Variants in DLGAP5 observed in about 807,000 individuals in gnomAD.
DLGAP5 encodes DLG associated protein 5.
A neutral mutation model predicts 99.6 loss-of-function variants in DLGAP5; 90 were observed. That is an observed-to-expected ratio of 0.90 (90% CI 0.76 to 1.08). DLGAP5 has a LOEUF of 1.08. Among genes scored for constraint, DLGAP5 ranks in the 50% least tolerant of loss-of-function variants. The pLI is 0.00. For synonymous variants in DLGAP5, 311 were observed against 321.3 expected (o/e 0.97, Z 0.34); for missense variants, 1,036 against 983.5 (o/e 1.05, Z -0.71).
chr14:55,167,629 A>C (rs1189391785), intron 12 of DLGAP5, among the ~76,000 whole-genome samples: 5 of 152,194 alleles, frequency 3.3e-5, no homozygotes, highest in African/African-American at 1.2e-4. Flanking sequence ...ATCTTTGTGA[A>C]GGACATTCTC....
At chr14:55,169,683 A>C (rs977915679) in intron 11 of DLGAP5, 124 bp from the exon 12 acceptor site, 1 of 714,148 alleles carries the variant, frequency 1.4e-6, no homozygotes, top group Non-Finnish European at 2.2e-6. Context: ...CAAAACAAAA[A>C]ATATCTACCA....
intron 15 of DLGAP5, among the ~76,000 whole-genome samples, chr14:55,154,185 C>G (rs146390077): frequency 2.6e-5 from 4 of 152,156 alleles, no homozygotes; most frequent in Non-Finnish European, 5.9e-5. Flanking sequence ...TTCTACAAAG[C>G]CTGGTAAAAA....
At position 55,177,108 on chromosome 14, in the gene DLGAP5, C is replaced by T; in HGVS notation, c.1003G>A (p.Ala335Thr). The change falls in exon 8 of 19, where the codon GCT becomes ACT. Residue 335 changes from alanine to threonine, a missense_variant. Coordinates refer to ENST00000247191, the MANE Select transcript of DLGAP5 (RefSeq NM_014750.5). ...CAGGTGTAACTGGGTGTCAAAAAAG[C>T]ATTGGCACTTCTGGGAGTCATAGGT... ...VTPMTPRSAN[A>T]FLTPSYTWTP... 6.5e-7 allele frequency: 1 copy of T among 1,530,758 alleles called. No homozygotes were observed. Among genetic ancestry groups the T allele is most frequent in the Non-Finnish European group, 8.7e-7 (1 of 1,144,602 alleles). 94.8% of individuals were successfully genotyped at this position (1,530,758 alleles called of 1,614,324 possible).
chr14:55,157,298 G>A (rs1027956647), intron 14 of DLGAP5, among the ~76,000 whole-genome samples: 2 of 152,150 alleles, frequency 1.3e-5, no homozygotes, highest in Admixed American at 6.5e-5. Flanking sequence ...TAAAAACCAC[G>A]AAGATCCTTG....
At chr14:55,179,524 GTAGGT>G in intron 7 of DLGAP5, 100 bp downstream of exon 7, 2 of 891,692 alleles carry the variant, frequency 2.2e-6, no homozygotes, top group Non-Finnish European at 3.4e-6. Context: ...TAACACACAT[GTAGGT>G]TAACCTTTTG....
At chr14:55,179,485 T>C in intron 7 of DLGAP5, 144 bp downstream of exon 7, 1 of 558,856 alleles carries the variant, frequency 1.8e-6, no homozygotes, top group Non-Finnish European at 3.0e-6. Context: ...GTAAATCCTC[T>C]TGATGCTTTC....
At chr14:55,183,529 C>G in intron 3 of DLGAP5, 31 bp downstream of exon 3, 4 of 1,475,796 alleles carry the variant, frequency 2.7e-6, no homozygotes, top group Non-Finnish European at 3.6e-6. Flanking sequence ...ATAAAAGAAA[C>G]TATTCCTTTA....
intron 5 of DLGAP5, 81 bp from the exon 6 acceptor site, chr14:55,180,859 A>C (rs144508789): frequency 2.4e-6 from 3 of 1,232,644 alleles, no homozygotes; most frequent in Middle Eastern, 2.0e-4. Context: ...TGGTAGTGCA[A>C]TGCCTGTAGT....
Position 55,175,481 on chromosome 14 carries a change from TAAAGAA to T in DLGAP5, c.1175-15_1175-10del. ...TTTATTTAAAACATGTTCTATAAATTAAAGAAAATCTTACATATAAATTTCAAAGCA... is the reference window on the plus strand; with the variant it reads ...TTTATTTAAAACATGTTCTATAAATTAATCTTACATATAAATTTCAAAGCA... On this transcript the variant is annotated splice_polypyrimidine_tract_variant and intron_variant, in intron 9 of 18. Coordinates refer to ENST00000247191, the MANE Select transcript of DLGAP5 (RefSeq NM_014750.5). 8.2e-7 allele frequency: 1 copy of T among 1,215,922 alleles called. No homozygotes were observed. The allele number at this position is 1,215,922 out of a possible 1,614,324, so 75.3% of individuals were successfully genotyped here.
At chr14:55,162,932 T>TAA (rs752014944) in intron 13 of DLGAP5, 39 bp downstream of exon 13, 2,158 of 950,162 alleles carry the variant, frequency 2.3e-3, no homozygotes, top group South Asian at 2.9e-3. Flanking sequence ...GTTCCTTAAC[T>TAA]AAAAAAAAAA....
intron 12 of DLGAP5, among the ~76,000 whole-genome samples, chr14:55,165,702 CTATGA>C (rs1882617427): frequency 6.6e-6 from 1 of 152,044 alleles, no homozygotes; most frequent in Non-Finnish European, 1.5e-5. Flanking sequence ...TCATACATAC[CTATGA>C]TAAAGTTTCA....
At chr14:55,184,496 G>C (rs1883370436) in intron 2 of DLGAP5, among the ~76,000 whole-genome samples, 1 of 152,148 alleles carries the variant, frequency 6.6e-6, no homozygotes, top group African/African-American at 2.4e-5. Context: ...GCCCTCTACT[G>C]ATCCTCACTT....
intron 7 of DLGAP5, among the ~76,000 whole-genome samples, chr14:55,178,562 T>C (rs1006623231): frequency 6.6e-6 from 1 of 152,236 alleles, no homozygotes; most frequent in African/African-American, 2.4e-5. Context: ...GTGGTAACAC[T>C]GTTGAAGCCA....
intron 13 of DLGAP5, among the ~76,000 whole-genome samples, chr14:55,160,424 T>C (rs1882377935): frequency 6.6e-6 from 1 of 151,162 alleles, no homozygotes; most frequent in African/African-American, 2.4e-5. Context: ...CCATATTTAA[T>C]ACTGCAGAAA....
chr14:55,177,426 G>A (rs1474615657), intron 7 of DLGAP5, 90 bp from the exon 8 acceptor site: 1 of 1,186,800 alleles, frequency 8.4e-7, no homozygotes, highest in Non-Finnish European at 1.2e-6. Context: ...TATGACAACA[G>A]AAATATATGT....
chr14:55,154,760 A>C lies in DLGAP5; in HGVS notation c.1920T>G (p.Pro640=), dbSNP rs750168705. ...GAGATACAGCTTTGTTGACAGACTT[A>C]GGTGTTCCAAGTCTTTGAGAAGGGC... ...SEGPSQRLGT[P]KSVNKAVSQS... Residue 640 remains proline (P), a synonymous_variant, in exon 15 of 19, where the codon CCT becomes CCG. Transcript: ENST00000247191. 6.2e-7 allele frequency: 1 copy of C among 1,614,140 alleles called. No individual in the cohort carries two copies. Among genetic ancestry groups the C allele is most frequent in the Non-Finnish European group, 8.5e-7 (1 of 1,180,006 alleles).
intron 14 of DLGAP5, 28 bp from the exon 15 acceptor site, chr14:55,154,834 A>G (rs1331164730): frequency 6.3e-7 from 1 of 1,587,050 alleles, no homozygotes; most frequent in Non-Finnish European, 8.6e-7. Flanking sequence ...TCACCTCAAT[A>G]CCAAATAGTT....
At chr14:55,164,541 C>T (rs1251229826) in intron 12 of DLGAP5, among the ~76,000 whole-genome samples, 2 of 151,940 alleles carry the variant, frequency 1.3e-5, no homozygotes, top group African/African-American at 2.4e-5. Context: ...AACCGTAAGA[C>T]TGTTAGGAGA....
intron 15 of DLGAP5, among the ~76,000 whole-genome samples, chr14:55,154,319 T>C (rs1410096709): frequency 6.6e-6 from 1 of 152,176 alleles, no homozygotes; most frequent in Non-Finnish European, 1.5e-5. Context: ...ACAGAGCTCT[T>C]CTCAGCTCAG....
Sources: allele counts gnomAD v4.1 joint callset (sites outside exome capture counted in the v4.1 genomes callset), GRCh38; gene constraint gnomAD v4.1.1; transcripts MANE v1.5; gene names NCBI Gene and HGNC (gene_info 2026-07-23, HGNC 2026-07-21).